The following CD38 variants were observed in gnomAD, a reference collection of about 807,000 sequenced individuals.
CD38 encodes CD38 molecule.
A neutral mutation model predicts 36.3 loss-of-function variants in CD38; 31 were observed. That is an observed-to-expected ratio of 0.85 (90% CI 0.64 to 1.15). The LOEUF (loss-of-function observed/expected upper bound fraction) is 1.15. CD38 is among the 50% of genes most tolerant of loss of function. The probability of loss-of-function intolerance (pLI) is 0.00; values close to 1 mark genes in which losing one functional copy is unlikely to be tolerated. For synonymous variants in CD38, 131 were observed against 135.2 expected, an observed-to-expected ratio of 0.97 and a Z score of 0.22; for missense variants, 380 against 371.9, an observed-to-expected ratio of 1.02 and a Z score of -0.18.
At chr4:15,821,047 A>G (rs911364393) in intron 2 of CD38, among the ~76,000 whole-genome samples, 20 of 152,164 alleles carry the variant, frequency 1.3e-4, no homozygotes, top group African/African-American at 4.8e-4. Flanking sequence ...ACTGAAAACC[A>G]TGCAATTACA....
intron 7 of CD38, among the ~76,000 whole-genome samples, chr4:15,842,112 C>G (rs1165358308): frequency 8.4e-6 from 1 of 119,416 alleles, no homozygotes; most frequent in Non-Finnish European, 1.7e-5. Flanking sequence ...GGGCAGGGCA[C>G]AGACAAACAA....
chr4:15,829,755 C>T (rs554745859), intron 3 of CD38, among the ~76,000 whole-genome samples: 47 of 152,296 alleles, frequency 3.1e-4, no homozygotes, highest in Non-Finnish European at 5.4e-4. Context: ...CACTTCCCAG[C>T]GTCTGGTAAC....
chr4:15,841,738 C>T (rs892741956), intron 7 of CD38, among the ~76,000 whole-genome samples: 1 of 148,234 alleles, frequency 6.7e-6, no homozygotes, highest in Admixed American at 6.7e-5. Flanking sequence ...CGAGGCATTG[C>T]CTCACCTGGG....
At chr4:15,836,828 A>C (rs932649658) in intron 4 of CD38, among the ~76,000 whole-genome samples, 4 of 152,224 alleles carry the variant, frequency 2.6e-5, no homozygotes, top group African/African-American at 9.6e-5. Flanking sequence ...AAGTTGACAT[A>C]AGGAGACCAT....
At chr4:15,841,466 A>C (rs1050171226) in intron 7 of CD38, among the ~76,000 whole-genome samples, 1 of 152,244 alleles carries the variant, frequency 6.6e-6, no homozygotes, top group African/African-American at 2.4e-5. Context: ...AAACAGCCAG[A>C]AAAGGCCATG....
intron 1 of CD38, among the ~76,000 whole-genome samples, chr4:15,792,807 C>A (rs927830963): frequency 2.6e-5 from 4 of 152,192 alleles, no homozygotes; most frequent in Non-Finnish European, 4.4e-5. Context: ...TTTTTCATAT[C>A]ATCCAATATC....
intron 1 of CD38, among the ~76,000 whole-genome samples, chr4:15,794,921 A>G (rs1723077306): frequency 6.6e-6 from 1 of 152,222 alleles, no homozygotes; most frequent in East Asian, 1.9e-4. Context: ...CAGGTGTGCA[A>G]AAGAGTAGTT....
In CD38 at chr4:15,812,479, C is replaced by T. The variant is rs146137942; in HGVS notation, c.234-4032C>T. ...TTGGGAGGCCGAGGCGGGTGGATCA[C>T]GAGCTCAGAAGTTCGAGACCAGCCT... On this transcript the variant is annotated intron_variant, in intron 1 of 7. Coordinates refer to ENST00000226279, the MANE Select transcript of CD38 (RefSeq NM_001775.4). Among the ~76,000 whole-genome samples the T allele has an allele frequency of 5.3e-3, 809 of 152,138 alleles. 5 individuals are homozygous for T. Among genetic ancestry groups the T allele is most frequent in the African/African-American group, 0.019 (768 of 41,486 alleles).
chr4:15,825,038 G>A lies in CD38; in HGVS notation c.499+22G>A, dbSNP rs1165879958. ...TCCAGTGAGGCTCTGGGCCCTGTGG[G>A]ATTGCCCAGGGATGTGGAGGGTGAA... On this transcript the variant is annotated intron_variant, in intron 3 of 7. Transcript: ENST00000226279. 1.9e-6 allele frequency: 3 copies of A among 1,588,936 alleles called. No homozygotes were observed. In the South Asian group the frequency reaches 3.4e-5, roughly 18 times the overall value.
chr4:15,785,983 A>C (rs533878689), intron 1 of CD38, among the ~76,000 whole-genome samples: 1 of 152,092 alleles, frequency 6.6e-6, no homozygotes, highest in South Asian at 2.1e-4. Context: ...TACAGCTCTT[A>C]AGGCAGCGCG....
intron 4 of CD38, among the ~76,000 whole-genome samples, chr4:15,837,163 G>T (rs1044547141): frequency 6.6e-6 from 1 of 152,148 alleles, no homozygotes; most frequent in Non-Finnish European, 1.5e-5. Context: ...TATGTATCAA[G>T]AACCTCCTTG....
rs374665877 is a variant in CD38, at chr4:15,795,901, T to C, written c.233+17254T>C. Among the ~76,000 whole-genome samples the C allele has an allele frequency of 5.9e-5, 9 of 152,262 alleles. No individual in the cohort carries two copies. In the East Asian group the frequency reaches 1.7e-3, roughly 29 times the overall value. ...CATATTTTTCTCTGGCCATGATCCA[T>C]ATTTGCCTTGATATTGTCCAAATGT... On this transcript the variant is annotated intron_variant, in intron 1 of 7. Coordinates refer to ENST00000226279, the MANE Select transcript of CD38 (RefSeq NM_001775.4).
chr4:15,830,127 C>T (rs1171319136), intron 3 of CD38, among the ~76,000 whole-genome samples: 1 of 152,154 alleles, frequency 6.6e-6, no homozygotes, highest in Non-Finnish European at 1.5e-5. Flanking sequence ...ATTGCTGGAT[C>T]ATATAATAGC....
chr4:15,785,427 T>C (rs1304515074), intron 1 of CD38, among the ~76,000 whole-genome samples: 2 of 152,152 alleles, frequency 1.3e-5, no homozygotes, highest in Non-Finnish European at 2.9e-5. Flanking sequence ...CAGACACTGT[T>C]CCCAGCAAGG....
chr4:15,811,777 C>T (rs919697379), intron 1 of CD38, among the ~76,000 whole-genome samples: 4 of 152,194 alleles, frequency 2.6e-5, no homozygotes, highest in African/African-American at 4.8e-5. Flanking sequence ...GTCTCCCCTT[C>T]TGGGATCTGG....
At chr4:15,797,132 T>C (rs1233382261) in intron 1 of CD38, among the ~76,000 whole-genome samples, 3 of 152,184 alleles carry the variant, frequency 2.0e-5, no homozygotes, top group Admixed American at 1.3e-4. Flanking sequence ...AATTTTCTGA[T>C]TTTTGCTGGT....
intron 1 of CD38, among the ~76,000 whole-genome samples, chr4:15,807,452 G>C (rs1723366478): frequency 1.3e-5 from 2 of 152,192 alleles, no homozygotes; most frequent in Non-Finnish European, 2.9e-5. Context: ...CACGTACACA[G>C]TGGCCTTGTC....
chr4:15,804,225 T>G (rs1207371086), intron 1 of CD38, among the ~76,000 whole-genome samples: 1 of 152,144 alleles, frequency 6.6e-6, no homozygotes, highest in African/African-American at 2.4e-5. Context: ...TTAATAGTTC[T>G]TTAAGAAATC....
chr4:15,780,522 A>T (rs1456576913), intron 1 of CD38, among the ~76,000 whole-genome samples: 124 of 43,060 alleles, frequency 2.9e-3, no homozygotes, highest in Middle Eastern at 0.021. Flanking sequence ...TCTCTCTCAC[A>T]CACACACACA....
Sources: allele counts gnomAD v4.1 joint callset (sites outside exome capture counted in the v4.1 genomes callset), GRCh38; gene constraint gnomAD v4.1.1; transcripts MANE v1.5; gene names NCBI Gene and HGNC (gene_info 2026-07-23, HGNC 2026-07-21).